The following PRSS12 variants were observed in gnomAD, a reference collection of about 807,000 sequenced individuals.
PRSS12 encodes serine protease 12, also known as neurotrypsin.
A neutral mutation model predicts 104.4 loss-of-function variants in PRSS12; 85 were observed. That is an observed-to-expected ratio of 0.81 (90% CI 0.68 to 0.98). PRSS12 has a LOEUF of 0.98. Ranked by LOEUF, PRSS12 falls within the 50% of genes least tolerant of loss-of-function variation. The pLI, the probability that PRSS12 is intolerant of heterozygous loss-of-function variation, is 0.00. For synonymous variants in PRSS12, 454 were observed against 425.2 expected (o/e 1.07, Z -0.83); for missense variants, 1,141 against 1,139.2 (o/e 1.00, Z -0.02).
intron 8 of PRSS12, 123 bp from the exon 9 acceptor site, chr4:118,299,061 A>T (rs1743326258): frequency 8.9e-7 from 1 of 1,125,860 alleles, no homozygotes; most frequent in Admixed American, 2.0e-5. Context: ...TGCATGTGCT[A>T]AAAACCATTT....
chr4:118,300,276 G>T lies in PRSS12; in HGVS notation c.1632-1338C>A, dbSNP rs184818353. Among the ~76,000 whole-genome samples, 17 of 152,238 alleles carry T rather than the reference G, an allele frequency of 1.1e-4. No homozygotes were observed. In the East Asian group the frequency reaches 2.9e-3, roughly 26 times the overall value. ...GATCCACCCACCTTAGCCTCTCAAA[G>T]TGCTAGGATTACAGGAGTGAGTTAC... is the stretch of plus-strand genomic sequence containing the variant. On this transcript the variant is annotated intron_variant, in intron 8 of 12. Coordinates refer to ENST00000296498, the MANE Select transcript of PRSS12 (RefSeq NM_003619.4).
intron 8 of PRSS12, among the ~76,000 whole-genome samples, chr4:118,300,715 G>A (rs1219786190): frequency 1.3e-5 from 2 of 152,040 alleles, no homozygotes; most frequent in Non-Finnish European, 2.9e-5. Flanking sequence ...CAAGGAAAGT[G>A]GAAAGATAAA....
At chr4:118,294,452 G>A (rs1390663959) in intron 11 of PRSS12, among the ~76,000 whole-genome samples, 2 of 152,152 alleles carry the variant, frequency 1.3e-5, no homozygotes, top group Non-Finnish European at 2.9e-5. Context: ...AGAAAGGACT[G>A]ATAAAATGTT....
At chr4:118,314,116 A>G (rs1743834923) in intron 6 of PRSS12, among the ~76,000 whole-genome samples, 1 of 152,114 alleles carries the variant, frequency 6.6e-6, no homozygotes, top group South Asian at 2.1e-4. Flanking sequence ...CATCCTCCCA[A>G]TTTTATTTCC....
At chr4:118,304,129 T>C (rs977343289) in intron 8 of PRSS12, among the ~76,000 whole-genome samples, 1 of 151,636 alleles carries the variant, frequency 6.6e-6, no homozygotes, top group Non-Finnish European at 1.5e-5. Context: ...TCCATGTACG[T>C]GTGTGTGTGT....
intron 11 of PRSS12, among the ~76,000 whole-genome samples, chr4:118,286,159 C>T (rs191509567): frequency 1.7e-4 from 26 of 152,250 alleles, no homozygotes; most frequent in African/African-American, 6.0e-4. Context: ...CTCATGCTGC[C>T]GCCAGAGTGA....
At chr4:118,348,534 T>A (rs1387334217) in intron 1 of PRSS12, among the ~76,000 whole-genome samples, 1 of 152,176 alleles carries the variant, frequency 6.6e-6, no homozygotes, top group African/African-American at 2.4e-5. Context: ...TGAGAATTAC[T>A]CAGAGCCTGG....
chr4:118,352,510 C>T lies in PRSS12; in HGVS notation c.211G>A (p.Ala71Thr). ...PLPRFPRPPR[A>T]LPAQRPHALQ... ...GCGTGCGGGCGCTGGGCAGGGAGCG[C>T]CCGCGGGGGGCGCGGGAAGCGCGGG... Residue 71 changes from alanine to threonine, a missense_variant, in exon 1 of 13, where the codon GCG (alanine) becomes ACG (threonine). Transcript: ENST00000296498. 2 of 1,446,384 alleles carry T rather than the reference C, an allele frequency of 1.4e-6. No individual in the cohort carries two copies. Among genetic ancestry groups the T allele is most frequent in the Non-Finnish European group, 9.1e-7 (1 of 1,097,034 alleles). 89.6% of individuals were successfully genotyped at this position (1,446,384 alleles called of 1,614,324 possible).
chr4:118,344,794 A>G (rs1724315302), intron 1 of PRSS12, among the ~76,000 whole-genome samples: 1 of 152,210 alleles, frequency 6.6e-6, no homozygotes, highest in Non-Finnish European at 1.5e-5. Flanking sequence ...ACATTATATG[A>G]TATCAAACAA....
At position 118,352,837 on chromosome 4, in the gene PRSS12, C is replaced by T; in HGVS notation, c.-117G>A. ...CCTCGAATCCCCCAGCCCCCTCCCG[C>T]CCCCGCACGCGGACCGCCCTCGCCT... On this transcript the variant is annotated 5_prime_UTR_variant, in exon 1 of 13. Coordinates refer to ENST00000296498, the MANE Select transcript of PRSS12 (RefSeq NM_003619.4). 6.7e-7 allele frequency: 1 copy of T among 1,498,140 alleles called. No homozygotes were observed. The highest frequency in any genetic ancestry group is 1.3e-5 in the South Asian group (1 of 79,436). The allele number at this position is 1,498,140 out of a possible 1,614,324, so 92.8% of individuals were successfully genotyped here.
rs200986738 is a variant in PRSS12 at position 118,352,700 on chromosome 4, C to T, written c.21G>A (p.Val7=). 37 of 1,613,008 alleles carry T rather than the reference C, an allele frequency of 2.3e-5. No homozygotes were observed. The South Asian group carries it at 3.6e-4, about 16-fold the overall frequency. The change falls in exon 1 of 13, where the codon GTG becomes GTA. Residue 7 remains valine, a synonymous_variant. Transcript: ENST00000296498. Reference sequence around the variant, plus strand: ...GGAGCGCCCCTAACATCAGGGCTAGCACGAAGCGGGCGAGCGTCATGGTGC... The same window carrying T: ...GGAGCGCCCCTAACATCAGGGCTAGTACGAAGCGGGCGAGCGTCATGGTGC... The part of the protein sequence containing the change: MTLARF[V]LALMLGALPE...
chr4:118,297,956 G>A (rs921054693), intron 9 of PRSS12, among the ~76,000 whole-genome samples: 2 of 151,980 alleles, frequency 1.3e-5, no homozygotes, highest in Non-Finnish European at 2.9e-5. Flanking sequence ...TAGACAACAC[G>A]TGAAACCCCC....
At chr4:118,323,335 G>A (rs1578926192) in intron 4 of PRSS12, among the ~76,000 whole-genome samples, 1 of 151,956 alleles carries the variant, frequency 6.6e-6, no homozygotes, top group East Asian at 1.9e-4. Context: ...ATTTCAATGG[G>A]TATAATTCAT....
intron 7 of PRSS12, among the ~76,000 whole-genome samples, chr4:118,309,623 C>G (rs534414263): frequency 6.6e-6 from 1 of 152,232 alleles, no homozygotes; most frequent in East Asian, 1.9e-4. Context: ...TATAGCAACC[C>G]AAGCAAGCTA....
At chr4:118,320,313 T>C (rs1723574317) in intron 4 of PRSS12, among the ~76,000 whole-genome samples, 1 of 152,196 alleles carries the variant, frequency 6.6e-6, no homozygotes. Context: ...ATGGCTGTAA[T>C]ACCCCACTAA....
intron 4 of PRSS12, among the ~76,000 whole-genome samples, chr4:118,324,217 T>C (rs560514676): frequency 3.3e-5 from 5 of 151,986 alleles, no homozygotes; most frequent in South Asian, 2.1e-4. Context: ...CTTAAAAAAA[T>C]AGACAATAGA....
At chr4:118,309,814 A>G (rs1244665185) in intron 7 of PRSS12, among the ~76,000 whole-genome samples, 1 of 152,232 alleles carries the variant, frequency 6.6e-6, no homozygotes, top group African/African-American at 2.4e-5. Flanking sequence ...CAATATGTGA[A>G]GTTACTAAAT....
rs1156277568 is a variant in PRSS12, at chr4:118,280,895, C to T, written c.*1041G>A. On this transcript the variant is annotated 3_prime_UTR_variant, in exon 13 of 13. Coordinates refer to ENST00000296498, the MANE Select transcript of PRSS12 (RefSeq NM_003619.4). ...CCCCATTTGAAAACAAGGGCTACTA[C>T]CATAAGATTTACTGGCCTTTTGCAA... 2.0e-5 allele frequency: 3 copies of T among 152,234 alleles called. No individual in the cohort carries two copies. Among genetic ancestry groups the T allele is most frequent in the Non-Finnish European group, 4.4e-5 (3 of 68,030 alleles). 9.4% of individuals were successfully genotyped at this position (152,234 alleles called of 1,614,324 possible). A position where few individuals can be genotyped will look rare whatever the true frequency, so the allele number is the denominator to read the frequency against.
rs35698159 is a variant in PRSS12 at position 118,316,837 on chromosome 4, A to AAAAAT, written c.1151-515_1151-514insATTTT. ...ACTCCGTCTCACGGAAAAAAAAAAA[A>AAAAAT]ATATATATATATATATATATCTTTC... On this transcript the variant is annotated intron_variant, in intron 5 of 12. Transcript: ENST00000296498. Among the ~76,000 whole-genome samples, 599 of 99,182 alleles carry AAAAAT rather than the reference A, an allele frequency of 6.0e-3. 10 individuals carry two copies. The highest frequency in any genetic ancestry group is 0.019 in the African/African-American group (539 of 28,886). The allele number at this position is 99,182 out of a possible 152,430, so 65.1% of individuals were successfully genotyped here.
Sources: gnomAD v4.1 joint callset for allele counts (sites outside exome capture counted in the v4.1 genomes callset) on GRCh38, gnomAD v4.1.1 for gene constraint, MANE v1.5 for transcripts, NCBI Gene and HGNC (gene_info 2026-07-23, HGNC 2026-07-21) for gene names.